The following ZNF117 variants were observed in gnomAD, a reference collection of about 807,000 sequenced individuals.
The protein encoded by ZNF117 is zinc finger protein 117, also known as Krueppel-related zinc finger protein.
ZNF117 carries 37 observed loss-of-function variants against 41.2 expected under a neutral mutation model. That is an observed-to-expected ratio of 0.90 (90% CI 0.69 to 1.18). ZNF117 has a LOEUF of 1.18. Among genes scored for constraint, ZNF117 ranks in the 50% most tolerant of loss-of-function variants. ZNF117 has a pLI of 0.00. For synonymous variants in ZNF117, 186 were observed against 186.6 expected (o/e 1.00, Z 0.02); for missense variants, 546 against 557.5 (o/e 0.98, Z 0.21).
At chr7:64,978,205 G>C in exon 3 of ZNF117, 1 of 1,610,646 alleles carries the variant, frequency 6.2e-7, no homozygotes, top group Non-Finnish European at 8.5e-7. Context: ...GTTGAAGATT[G>C]GTTAAAAGCT....
chr7:64,978,633 G>A (rs1319440206), exon 3 of ZNF117: 1 of 1,612,368 alleles, frequency 6.2e-7, no homozygotes, highest in African/African-American at 1.3e-5. Flanking sequence ...TTGTTTAAAA[G>A]CTTTGCCACA....
At chr7:64,989,455 AT>A (rs1786208112) in intron 1 of ZNF117, among the ~76,000 whole-genome samples, 1 of 29,830 alleles carries the variant, frequency 3.4e-5, no homozygotes, top group Admixed American at 2.4e-4. Flanking sequence ...ATATATATAT[AT>A]ATATATATAT....
At chr7:64,985,417 C>G (rs1786114039), upstream of ZNF117, among the ~76,000 whole-genome samples, 1 of 152,186 alleles carries the variant, frequency 6.6e-6, no homozygotes, top group Non-Finnish European at 1.5e-5. Flanking sequence ...TTAATCCTAT[C>G]TTCATGCTCA....
At chr7:64,986,113 G>C (rs890480118), upstream of ZNF117, among the ~76,000 whole-genome samples, 1 of 150,880 alleles carries the variant, frequency 6.6e-6, no homozygotes, top group East Asian at 1.9e-4. Context: ...ATGTGCACTT[G>C]AGAAATGTTT....
chr7:64,985,977 A>G (rs1331924942), upstream of ZNF117, among the ~76,000 whole-genome samples: 1 of 151,518 alleles, frequency 6.6e-6, no homozygotes, highest in Non-Finnish European at 1.5e-5. Flanking sequence ...AAAAGAAAGA[A>G]AGAAAATATC....
At chr7:64,974,988 A>AT (rs1491257513) in exon 3 of ZNF117, 1 of 139,168 alleles carries the variant, frequency 7.2e-6, no homozygotes, top group Non-Finnish European at 1.7e-5. Context: ...GTTAAGAAAA[A>AT]TATGTTTAAA....
chr7:64,981,502 T>A lies in ZNF117; in HGVS notation c.-62-20A>T. Reference sequence around the variant, plus strand: ...CAATACCTGTTTTATTGAAAATAAATAACATAAATCTTGCACATATTCTCC... The same window carrying A: ...CAATACCTGTTTTATTGAAAATAAAAAACATAAATCTTGCACATATTCTCC... On this transcript the variant is annotated intron_variant, in intron 1 of 2. Transcript: ENST00000620222. 1 of 1,540,346 alleles carries A rather than the reference T, an allele frequency of 6.5e-7. No homozygotes were observed. Among genetic ancestry groups the A allele is most frequent in the Non-Finnish European group, 9.0e-7 (1 of 1,114,548 alleles).
At chr7:64,978,558 C>G (rs1785950648) in exon 3 of ZNF117, 1 of 1,612,934 alleles carries the variant, frequency 6.2e-7, no homozygotes, top group Non-Finnish European at 8.5e-7. Context: ...AGCTTTGCCA[C>G]ATTCCTCACA....
chr7:64,978,871 A>T, exon 3 of ZNF117: 1 of 1,613,668 alleles, frequency 6.2e-7, no homozygotes, highest in Non-Finnish European at 8.5e-7. Flanking sequence ...GTAAGCTTTG[A>T]GGCTTGGTTA....
intron 1 of ZNF117, among the ~76,000 whole-genome samples, chr7:64,989,455 A>ATTT (rs1562649310): frequency 1.3e-4 from 4 of 29,830 alleles, no homozygotes; most frequent in Non-Finnish European, 2.8e-4. Flanking sequence ...ATATATATAT[A>ATTT]TATATATATA....
upstream of ZNF117, among the ~76,000 whole-genome samples, chr7:64,986,672 T>C (rs1275286405): frequency 2.0e-5 from 3 of 152,222 alleles, no homozygotes; most frequent in Non-Finnish European, 2.9e-5. Context: ...TTTCATCTTG[T>C]AGCCATCTTA....
upstream of ZNF117, among the ~76,000 whole-genome samples, chr7:64,983,344 G>A (rs1203168843): frequency 6.6e-6 from 1 of 151,996 alleles, no homozygotes; most frequent in Non-Finnish European, 1.5e-5. Context: ...AATTCATAAT[G>A]AGATTTCTAC....
At chr7:64,988,629 G>C (rs930618324) in intron 1 of ZNF117, among the ~76,000 whole-genome samples, 1 of 152,038 alleles carries the variant, frequency 6.6e-6, no homozygotes, top group Non-Finnish European at 1.5e-5. Context: ...AAAATAAAAG[G>C]CATCCAAATA....
At chr7:64,974,208 ACTTAT>A (rs1785830970), downstream of ZNF117, 1 of 151,938 alleles carries the variant, frequency 6.6e-6, no homozygotes, top group African/African-American at 2.4e-5. Context: ...TACATCTAAA[ACTTAT>A]CTTGTGTGCA....
chr7:64,984,615 G>A (rs947940527), upstream of ZNF117, among the ~76,000 whole-genome samples: 1 of 152,036 alleles, frequency 6.6e-6, no homozygotes, highest in Non-Finnish European at 1.5e-5. Flanking sequence ...TAGTAAGCAT[G>A]TCATACTAAT....
At chr7:64,986,473 C>T (rs1325299833), upstream of ZNF117, among the ~76,000 whole-genome samples, 1 of 151,906 alleles carries the variant, frequency 6.6e-6, no homozygotes, top group East Asian at 1.9e-4. Flanking sequence ...TGCATTTTTA[C>T]ATAAGATAAC....
At chr7:64,987,454 AAGG>A (rs1786158478) in intron 1 of ZNF117, among the ~76,000 whole-genome samples, 1 of 152,210 alleles carries the variant, frequency 6.6e-6, no homozygotes, top group African/African-American at 2.4e-5. Context: ...ATCTGTACTG[AAGG>A]AGATTTAGAT....
exon 3 of ZNF117, chr7:64,976,172 T>C (rs1292029981): frequency 6.6e-6 from 1 of 152,230 alleles, no homozygotes; most frequent in Admixed American, 6.5e-5. Context: ...TCAGGCACAG[T>C]GACTCACACC....
intron 2 of ZNF117, chr7:64,980,346 T>C (rs1031126814): frequency 2.0e-5 from 3 of 151,988 alleles, no homozygotes; most frequent in Admixed American, 2.0e-4. Flanking sequence ...CTCTATCAGA[T>C]ATTATAAAAT....
Sources: allele counts gnomAD v4.1 joint callset (sites outside exome capture counted in the v4.1 genomes callset), GRCh38; gene constraint gnomAD v4.1.1; transcripts MANE v1.5; gene names NCBI Gene and HGNC (gene_info 2026-07-23, HGNC 2026-07-21).